ZBTB7C: variants seen among roughly 807,000 people sequenced by gnomAD.
ZBTB7C encodes the protein zinc finger and BTB domain-containing protein 7C.
ZBTB7C carries 8 observed loss-of-function variants against 25.7 expected under a neutral mutation model. The observed-to-expected ratio is 0.31, with a 90% CI of 0.18 to 0.56. The LOEUF is 0.56. Ranked by LOEUF, ZBTB7C falls within the 20% of genes least tolerant of loss-of-function variation. The pLI, the probability that ZBTB7C is intolerant of heterozygous loss-of-function variation, is 0.91. For missense variants in ZBTB7C, 824 were observed against 855.2 expected, an observed-to-expected ratio of 0.96 and a Z score of 0.46; for synonymous variants, 394 against 369.0, an observed-to-expected ratio of 1.07 and a Z score of -0.78.
Position 48,367,194 on chromosome 18 carries a change from TATATATATACACACACAC to T in ZBTB7C, c.-303-28814_-303-28797del, listed in dbSNP as rs1289644084. On this transcript the variant is annotated intron_variant, in intron 1 of 4. Coordinates refer to ENST00000590800, the MANE Select transcript of ZBTB7C (RefSeq NM_001318841.2). ...CAAGTTTTATATATATATATATATA[TATATATATACACACACAC>T]ACACACACACACACACACACATACA... Among the ~76,000 whole-genome samples the T allele has an allele frequency of 6.9e-4, 37 of 53,892 alleles. 1 individual carries two copies. Among genetic ancestry groups the T allele is most frequent in the African/African-American group, 2.5e-3 (35 of 13,794 alleles). 35.4% of individuals were successfully genotyped at this position (53,892 alleles called of 152,430 possible). A position where few individuals can be genotyped will look rare whatever the true frequency, so the allele number is the denominator to read the frequency against.
intron 3 of ZBTB7C, among the ~76,000 whole-genome samples, chr18:48,176,177 C>A (rs969139319): frequency 3.3e-5 from 5 of 152,188 alleles, no homozygotes; most frequent in African/African-American, 9.7e-5. Flanking sequence ...CTGAGAAGAA[C>A]CAAGAGGGCT....
chr18:48,086,469 T>C (rs2038195116), intron 3 of ZBTB7C, among the ~76,000 whole-genome samples: 1 of 152,168 alleles, frequency 6.6e-6, no homozygotes. Context: ...ATCTAGATCA[T>C]TTTCTGTTTC....
At chr18:48,315,148 G>A (rs781721004) in intron 2 of ZBTB7C, among the ~76,000 whole-genome samples, 23 of 152,144 alleles carry the variant, frequency 1.5e-4, no homozygotes, top group East Asian at 7.7e-4. Flanking sequence ...TGAGACACTC[G>A]GAACACAGCA....
chr18:48,233,779 G>C (rs145025385), intron 2 of ZBTB7C, among the ~76,000 whole-genome samples: 16 of 152,322 alleles, frequency 1.1e-4, no homozygotes, highest in South Asian at 8.3e-4. Context: ...AAAGGGAAAT[G>C]TTTAGGTAAA....
chr18:48,179,804 CTTAT>C (rs1409779225), intron 3 of ZBTB7C, among the ~76,000 whole-genome samples: 2 of 137,404 alleles, frequency 1.5e-5, no homozygotes, highest in Admixed American at 7.4e-5. Context: ...CCCTTCCTTC[CTTAT>C]TTCCTTCCTT....
chr18:48,041,888 A>AATT (rs2036260656), intron 3 of ZBTB7C, among the ~76,000 whole-genome samples: 1 of 152,258 alleles, frequency 6.6e-6, no homozygotes, highest in Non-Finnish European at 1.5e-5. Context: ...ATTGTTAGTT[A>AATT]ATTTTTCATG....
At chr18:48,215,138 C>T (rs2042791740) in intron 2 of ZBTB7C, among the ~76,000 whole-genome samples, 2 of 152,178 alleles carry the variant, frequency 1.3e-5, no homozygotes, top group South Asian at 4.1e-4. Context: ...TTCCAATAAT[C>T]CTGCTCATGG....
intron 3 of ZBTB7C, among the ~76,000 whole-genome samples, chr18:48,136,052 C>T (rs1049823389): frequency 1.3e-5 from 2 of 152,184 alleles, no homozygotes; most frequent in African/African-American, 4.8e-5. Flanking sequence ...CGTGGGGGAC[C>T]CGACGCTGGA....
chr18:48,272,314 C>A (rs894377469), intron 2 of ZBTB7C, among the ~76,000 whole-genome samples: 2 of 152,214 alleles, frequency 1.3e-5, no homozygotes, highest in Non-Finnish European at 2.9e-5. Flanking sequence ...GACATGCAAT[C>A]TTCTCCTGTT....
At chr18:48,316,489 G>GT (rs1245736119) in intron 2 of ZBTB7C, among the ~76,000 whole-genome samples, 3 of 152,256 alleles carry the variant, frequency 2.0e-5, no homozygotes, top group Admixed American at 6.5e-5. Context: ...GACCCCCAGT[G>GT]TTGGAAGTGG....
chr18:48,181,573 G>A (rs1400609110), intron 3 of ZBTB7C, among the ~76,000 whole-genome samples: 1 of 152,180 alleles, frequency 6.6e-6, no homozygotes, highest in Non-Finnish European at 1.5e-5. Flanking sequence ...AATCAGGACT[G>A]GAACCCAGAC....
chr18:48,297,281 CA>C (rs1568360634), intron 2 of ZBTB7C, among the ~76,000 whole-genome samples: 1 of 152,170 alleles, frequency 6.6e-6, no homozygotes, highest in Non-Finnish European at 1.5e-5. Flanking sequence ...ACTTACATAA[CA>C]AACATCCTTT....
At chr18:48,309,519 T>C (rs1387609318) in intron 2 of ZBTB7C, among the ~76,000 whole-genome samples, 1 of 152,214 alleles carries the variant, frequency 6.6e-6, no homozygotes, top group Non-Finnish European at 1.5e-5. Context: ...GGGGCTGCTC[T>C]TGACGAGGCT....
At chr18:48,069,180 C>T (rs2037450054) in intron 3 of ZBTB7C, among the ~76,000 whole-genome samples, 3 of 152,218 alleles carry the variant, frequency 2.0e-5, no homozygotes, top group Admixed American at 2.0e-4. Context: ...AATGAGCATA[C>T]TGTCCCACAG....
At chr18:48,051,466 C>T (rs1259686378) in intron 3 of ZBTB7C, among the ~76,000 whole-genome samples, 3 of 152,174 alleles carry the variant, frequency 2.0e-5, no homozygotes, top group Non-Finnish European at 4.4e-5. Flanking sequence ...TGCCCTCATC[C>T]CCTCATCCAA....
chr18:48,119,090 C>T (rs1040081298), intron 3 of ZBTB7C, among the ~76,000 whole-genome samples: 1 of 152,116 alleles, frequency 6.6e-6, no homozygotes, highest in Non-Finnish European at 1.5e-5. Flanking sequence ...TGTGTCCCAT[C>T]CTCAGGGTTT....
intron 2 of ZBTB7C, among the ~76,000 whole-genome samples, chr18:48,269,783 C>G (rs191602660): frequency 6.6e-6 from 1 of 152,168 alleles, no homozygotes; most frequent in Non-Finnish European, 1.5e-5. Flanking sequence ...TCACTTTGAT[C>G]GGCAAATGGT....
At chr18:48,369,933 C>A (rs531342307) in intron 1 of ZBTB7C, among the ~76,000 whole-genome samples, 29 of 152,236 alleles carry the variant, frequency 1.9e-4, no homozygotes, top group Admixed American at 3.3e-4. Flanking sequence ...CCAACAACAG[C>A]AGAATATGCA....
chr18:48,078,845 C>T (rs1479569620), intron 3 of ZBTB7C, among the ~76,000 whole-genome samples: 2 of 152,186 alleles, frequency 1.3e-5, no homozygotes, highest in Non-Finnish European at 2.9e-5. Context: ...ATGATGTTTT[C>T]CAGGTACATC....
Sources: gnomAD v4.1 joint callset for allele counts (sites outside exome capture counted in the v4.1 genomes callset) on GRCh38, gnomAD v4.1.1 for gene constraint, MANE v1.5 for transcripts, NCBI Gene and HGNC (gene_info 2026-07-23, HGNC 2026-07-21) for gene names.